The following ZNF385B variants were observed in gnomAD, a reference collection of about 807,000 sequenced individuals.
ZNF385B encodes zinc finger protein 385B.
Under a neutral mutation model 39.2 loss-of-function variants are expected in ZNF385B, and 23 were observed. The ratio of observed to expected loss-of-function variants is 0.59; its 90% confidence interval spans 0.42 to 0.83. The LOEUF is 0.83. ZNF385B is among the 40% of genes least tolerant of loss of function. The pLI is 0.00. For missense variants in ZNF385B, 552 were observed against 598.9 expected (o/e 0.92, Z 0.82); for synonymous variants, 205 against 222.6 (o/e 0.92, Z 0.70).
intron 1 of ZNF385B, among the ~76,000 whole-genome samples, chr2:179,824,719 G>A (rs1026436156): frequency 2.0e-5 from 3 of 151,802 alleles, no homozygotes; most frequent in African/African-American, 4.8e-5. Context: ...ACATATGGAA[G>A]GGCATATGGT....
chr2:179,524,485 G>C (rs1055284483), intron 4 of ZNF385B, among the ~76,000 whole-genome samples: 5 of 145,450 alleles, frequency 3.4e-5, no homozygotes, highest in Non-Finnish European at 6.0e-5. Flanking sequence ...CTGGGAGGCA[G>C]AGCTTGCAGT....
chr2:179,789,808 AC>A (rs1399897576), intron 1 of ZNF385B, among the ~76,000 whole-genome samples: 1 of 152,160 alleles, frequency 6.6e-6, no homozygotes, highest in Non-Finnish European at 1.5e-5. Flanking sequence ...CTCGTGCCAA[AC>A]ATAAGAGAAG....
intron 3 of ZNF385B, among the ~76,000 whole-genome samples, chr2:179,758,719 G>A (rs1559167969): frequency 1.3e-5 from 2 of 152,120 alleles, no homozygotes; most frequent in Admixed American, 6.6e-5. Context: ...GGGGTCTACT[G>A]GTAAGAATTA....
chr2:179,588,237 C>T (rs1030228984), intron 3 of ZNF385B, among the ~76,000 whole-genome samples: 3 of 152,064 alleles, frequency 2.0e-5, no homozygotes, highest in South Asian at 2.1e-4. Context: ...TACAGGCGCC[C>T]GCCACCATGC....
chr2:179,473,366 T>C (rs1287129253), intron 6 of ZNF385B, among the ~76,000 whole-genome samples: 1 of 152,202 alleles, frequency 6.6e-6, no homozygotes, highest in Admixed American at 6.5e-5. Context: ...AGTCAAAATA[T>C]AGGCAGGACC....
At chr2:179,646,607 C>T (rs911718070) in intron 3 of ZNF385B, among the ~76,000 whole-genome samples, 1 of 152,020 alleles carries the variant, frequency 6.6e-6, no homozygotes, top group Non-Finnish European at 1.5e-5. Flanking sequence ...CCCTGACTTG[C>T]TGCCTGTAAA....
At chr2:179,557,546 AACATATATACAT>A (rs2060999512) in intron 3 of ZNF385B, among the ~76,000 whole-genome samples, 1 of 120,490 alleles carries the variant, frequency 8.3e-6, no homozygotes, top group African/African-American at 3.0e-5. Flanking sequence ...ACATGTATAT[AACATATATACAT>A]GTTATATATG....
At chr2:179,721,725 T>C (rs1184220288) in intron 3 of ZNF385B, among the ~76,000 whole-genome samples, 2 of 152,064 alleles carry the variant, frequency 1.3e-5, no homozygotes, top group Non-Finnish European at 2.9e-5. Context: ...TTTCATAATA[T>C]TTATAGGATA....
At chr2:179,786,509 T>C (rs1001340006) in intron 1 of ZNF385B, among the ~76,000 whole-genome samples, 1 of 152,066 alleles carries the variant, frequency 6.6e-6, no homozygotes, top group African/African-American at 2.4e-5. Flanking sequence ...TGAGGTCTGA[T>C]TCCTGGGTTG....
intron 4 of ZNF385B, among the ~76,000 whole-genome samples, chr2:179,526,201 T>C (rs77538498): frequency 6.7e-6 from 1 of 149,584 alleles, no homozygotes; most frequent in African/African-American, 2.4e-5. Context: ...CATACCCAGC[T>C]AATTTTTTGT....
At chr2:179,859,257 T>C (rs1684847667) in intron 1 of ZNF385B, among the ~76,000 whole-genome samples, 1 of 152,226 alleles carries the variant, frequency 6.6e-6, no homozygotes, top group Admixed American at 6.5e-5. Context: ...CACCTCCGTT[T>C]GGTTTCCTTT....
At chr2:179,464,957 C>T (rs2051823716) in intron 6 of ZNF385B, among the ~76,000 whole-genome samples, 1 of 152,072 alleles carries the variant, frequency 6.6e-6, no homozygotes, top group Admixed American at 6.6e-5. Flanking sequence ...CAGTTTACTC[C>T]CAGGGCTTCC....
At chr2:179,566,914 C>CTTT (rs372093398) in intron 3 of ZNF385B, among the ~76,000 whole-genome samples, 4 of 131,616 alleles carry the variant, frequency 3.0e-5, no homozygotes, top group Non-Finnish European at 4.9e-5. Flanking sequence ...CTTTTCTTTT[C>CTTT]TTTTTTTTTT....
At chr2:179,587,794 C>A (rs1574913049) in intron 3 of ZNF385B, among the ~76,000 whole-genome samples, 1 of 152,202 alleles carries the variant, frequency 6.6e-6, no homozygotes, top group Admixed American at 6.5e-5. Context: ...TCCCTCCAAG[C>A]CCAGGCTTGT....
chr2:179,855,195 T>C (rs2105450269), intron 1 of ZNF385B, among the ~76,000 whole-genome samples: 1 of 152,338 alleles, frequency 6.6e-6, no homozygotes, highest in Middle Eastern at 3.4e-3. Flanking sequence ...ACATAATGGC[T>C]ATTTCAGAAT....
intron 1 of ZNF385B, among the ~76,000 whole-genome samples, chr2:179,781,115 C>A (rs1038558065): frequency 6.6e-6 from 1 of 152,116 alleles, no homozygotes; most frequent in Non-Finnish European, 1.5e-5. Context: ...AAAGTCCTGG[C>A]AGGTTTACTT....
At chr2:179,814,617 C>T in intron 1 of ZNF385B, 1 of 555,568 alleles carries the variant, frequency 1.8e-6, no homozygotes, top group Non-Finnish European at 3.2e-6. Context: ...CTGTAGGGCC[C>T]TCAATGGTGG....
chr2:179,446,431 A>G lies in ZNF385B; in HGVS notation c.961+94T>C. The stretch of plus-strand genomic sequence containing the variant: ...AAAAAAGTAGAGAAGCATGGAACAA[A>G]CCTAAGGTCTGAACAACAAAAGATA... On this transcript the variant is annotated intron_variant, in intron 7 of 9. Transcript: ENST00000410066. The G allele has an allele frequency of 2.0e-6, 3 of 1,485,326 alleles. No individual in the cohort carries two copies. In the South Asian group the frequency reaches 4.4e-5, roughly 22 times the overall value. The allele number at this position is 1,485,326 out of a possible 1,614,324, so 92.0% of individuals were successfully genotyped here.
chr2:179,815,619 T>C (rs536070873), intron 1 of ZNF385B, among the ~76,000 whole-genome samples: 2 of 152,350 alleles, frequency 1.3e-5, no homozygotes, highest in East Asian at 3.9e-4. Context: ...CATATCTTGA[T>C]TGATTGCTTG....
Sources: gnomAD v4.1 joint callset for allele counts (sites outside exome capture counted in the v4.1 genomes callset) on GRCh38, gnomAD v4.1.1 for gene constraint, MANE v1.5 for transcripts, NCBI Gene and HGNC (gene_info 2026-07-23, HGNC 2026-07-21) for gene names.